Variants in MAST1 observed in about 807,000 individuals in gnomAD.
The protein encoded by MAST1 is microtubule-associated serine/threonine-protein kinase 1.
A neutral mutation model predicts 124.6 loss-of-function variants in MAST1; 40 were observed. That is an observed-to-expected ratio of 0.32 (90% CI 0.25 to 0.42). The LOEUF (loss-of-function observed/expected upper bound fraction) is 0.42. Ranked by LOEUF, MAST1 falls within the 10% of genes least tolerant of loss-of-function variation. The pLI is 1.00. For synonymous variants in MAST1, 938 were observed against 939.4 expected, an observed-to-expected ratio of 1.00 and a Z score of 0.03; for missense variants, 1,558 against 2,181.9, an observed-to-expected ratio of 0.71 and a Z score of 5.70.
chr19:12,860,067 T>C (rs1301810647), intron 12 of MAST1, among the ~76,000 whole-genome samples: 1 of 152,024 alleles, frequency 6.6e-6, no homozygotes, highest in African/African-American at 2.4e-5. Context: ...TCTTTGTGGT[T>C]GTCCATCTGT....
chr19:12,874,375 T>A lies in MAST1; in HGVS notation c.4218T>A (p.Ala1406=). Residue 1406 remains alanine, a synonymous_variant, in exon 26 of 26, where the codon GCT becomes GCA. Coordinates refer to ENST00000251472, the MANE Select transcript of MAST1 (RefSeq NM_014975.3). The surrounding 1 kb of genome is among the most constrained non-coding windows in gnomAD (Gnocchi z 6.6). ...ATGGCACTGGCGGGATGGCCAGGGCTGTGGCCAAGGCGGCGCTGAGCCCGG... is the reference window on the plus strand; with the variant it reads ...ATGGCACTGGCGGGATGGCCAGGGCAGTGGCCAAGGCGGCGCTGAGCCCGG... The part of the protein sequence containing the change: ...TEDGTGGMAR[A]VAKAALSPVQ... The A allele has an allele frequency of 6.3e-7, 1 of 1,598,112 alleles. No individual in the cohort carries two copies. The highest frequency in any genetic ancestry group is 8.5e-7 in the Non-Finnish European group (1 of 1,178,986).
chr19:12,858,757 G>A lies in MAST1; in HGVS notation c.1366+18G>A, dbSNP rs758044408. On this transcript the variant is annotated intron_variant, in intron 12 of 25. Coordinates refer to ENST00000251472, the MANE Select transcript of MAST1 (RefSeq NM_014975.3). ...TGTGGAAGGTGTGGCTGCCTGCGGG[G>A]CTGCAGGGAAGATGGGGCCGTGCTC... 6.2e-7 allele frequency: 1 copy of A among 1,613,590 alleles called. No homozygotes were observed. The highest frequency in any genetic ancestry group is 8.5e-7 in the Non-Finnish European group (1 of 1,179,748).
rs1400406511 is a variant in MAST1, at chr19:12,865,378, A to G, written c.1701A>G (p.Pro567=). 2 of 1,612,270 alleles carry G rather than the reference A, an allele frequency of 1.2e-6. No individual in the cohort carries two copies. The change falls in exon 15 of 26, where the codon CCA becomes CCG. Residue 567 remains proline, a synonymous_variant. Coordinates refer to ENST00000251472, the MANE Select transcript of MAST1 (RefSeq NM_014975.3). This position sits in a 1 kb window ranked among gnomAD's most constrained non-coding sequence, Gnocchi z 7.1. ...EVILRQGYGK[P]VDWWAMGIIL... The stretch of plus-strand genomic sequence containing the variant: ...TCCTGCGTCAAGGCTACGGCAAGCC[A>G]GTGGACTGGTGGGCTATGGGGATCA...
intron 12 of MAST1, among the ~76,000 whole-genome samples, chr19:12,859,270 G>C (rs951673640): frequency 1.3e-5 from 2 of 152,034 alleles, no homozygotes; most frequent in African/African-American, 4.8e-5. Context: ...AGCAGAGACA[G>C]GATTTCGCCA....
At chr19:12,863,822 G>A (rs4614850) in intron 12 of MAST1, among the ~76,000 whole-genome samples, 1 of 151,930 alleles carries the variant, frequency 6.6e-6, no homozygotes, top group East Asian at 1.9e-4. Flanking sequence ...GAGGGGCAGA[G>A]GCAGTGGCCA....
intron 25 of MAST1, 34 bp downstream of exon 25, chr19:12,873,545 AGCGCGG>A: frequency 1.3e-6 from 2 of 1,586,044 alleles, no homozygotes; most frequent in Non-Finnish European, 1.7e-6. Context: ...GGGACCGAGC[AGCGCGG>A]GGTGGCCTGG....
intron 24 of MAST1, among the ~76,000 whole-genome samples, 198 bp downstream of exon 24, chr19:12,871,370 A>G (rs1970231792): frequency 6.6e-6 from 1 of 152,190 alleles, no homozygotes; most frequent in East Asian, 1.9e-4. Flanking sequence ...GCACTTTGGG[A>G]GGCCGAGGCG....
chr19:12,865,250 G>T lies in MAST1; in HGVS notation c.1639-66G>T, dbSNP rs1970138146. On this transcript the variant is annotated intron_variant, in intron 14 of 25. Transcript: ENST00000251472. The surrounding 1 kb of genome is among the most constrained non-coding windows in gnomAD (Gnocchi z 7.1). Reference sequence around the variant, plus strand: ...GGACCTCGGGAACCCAGGGCCTGGTGGGGGGCACAGCTCTCCCTTGAGGGC... The same window carrying T: ...GGACCTCGGGAACCCAGGGCCTGGTTGGGGGCACAGCTCTCCCTTGAGGGC... 4.4e-6 allele frequency: 7 copies of T among 1,586,524 alleles called. No homozygotes were observed. The highest frequency in any genetic ancestry group is 6.0e-6 in the Non-Finnish European group (7 of 1,165,408).
Position 12,841,024 on chromosome 19 carries a change from C to G in MAST1, c.206C>G (p.Ser69Cys). Residue 69 changes from serine to cysteine, a missense_variant, in exon 3 of 26, where the codon TCC becomes TGC. By Grantham distance (112) the Ser-to-Cys change is moderately radical (BLOSUM62 -1). Around this residue, in one of 10 missense-constraint regions of MAST1, gnomAD observed 57 missense variants for 35.3 expected, o/e 1.62. Coordinates refer to ENST00000251472, the MANE Select transcript of MAST1 (RefSeq NM_014975.3). The surrounding 1 kb of genome is among the most constrained non-coding windows in gnomAD (Gnocchi z 4.3). ...CCCCTGGACAGCCCCCGAAACTTCT[C>G]CCCCAACACCCCCGCCCACTTCTCG... is the stretch of plus-strand genomic sequence containing the variant. ...SSPLDSPRNF[S>C]PNTPAHFSFA... The G allele has an allele frequency of 1.3e-6, 2 of 1,500,036 alleles. No homozygotes were observed. Among genetic ancestry groups the G allele is most frequent in the Non-Finnish European group, 1.9e-6 (2 of 1,075,444 alleles). The allele number at this position is 1,500,036 out of a possible 1,614,324, so 92.9% of individuals were successfully genotyped here.
Position 12,867,724 on chromosome 19 carries a change from A to C in MAST1, c.2319-6A>C. ...TGTCTTCCATAACCACGCCCCCTCCATGCAGCAAGCGATTCTCCGCGTCCG... is the reference window on the plus strand; with the variant it reads ...TGTCTTCCATAACCACGCCCCCTCCCTGCAGCAAGCGATTCTCCGCGTCCG... On this transcript the variant is annotated splice_region_variant and splice_polypyrimidine_tract_variant and intron_variant, in intron 19 of 25. Transcript: ENST00000251472. The C allele has an allele frequency of 6.5e-7, 1 of 1,531,616 alleles. No individual in the cohort carries two copies. Among genetic ancestry groups the C allele is most frequent in the Non-Finnish European group, 8.8e-7 (1 of 1,140,068 alleles). 94.9% of individuals were successfully genotyped at this position (1,531,616 alleles called of 1,614,324 possible).
chr19:12,868,079 G>A, intron 20 of MAST1, 102 bp downstream of exon 20: 3 of 1,142,564 alleles, frequency 2.6e-6, no homozygotes, highest in Non-Finnish European at 3.5e-6. Context: ...AAGATCTCAG[G>A]TCCTATTCAC....
intron 22 of MAST1, among the ~76,000 whole-genome samples, 179 bp downstream of exon 22, chr19:12,869,474 G>A (rs1970204282): frequency 6.6e-6 from 1 of 151,962 alleles, no homozygotes; most frequent in Non-Finnish European, 1.5e-5. Context: ...TCACTGTGTC[G>A]CCAGGCCGGA....
intron 10 of MAST1, 43 bp downstream of exon 10, chr19:12,852,438 A>C: frequency 1.5e-5 from 13 of 876,544 alleles, no homozygotes; most frequent in Non-Finnish European, 2.2e-5. Context: ...GGTTCCTGGG[A>C]GGGCAGGGTG....
chr19:12,867,756 G>C lies in MAST1; in HGVS notation c.2345G>C (p.Ser782Thr). 2 of 1,539,956 alleles carry C rather than the reference G, an allele frequency of 1.3e-6. No individual in the cohort carries two copies. Among genetic ancestry groups the C allele is most frequent in the African/African-American group, 2.8e-5 (2 of 71,914 alleles). Residue 782 changes from serine to threonine, a missense_variant, in exon 20 of 26, where the codon AGT becomes ACT. Coordinates refer to ENST00000251472, the MANE Select transcript of MAST1 (RefSeq NM_014975.3). ...EIKRFSASEASFLEGEASPPL... is the reference protein window; with the variant it reads ...EIKRFSASEATFLEGEASPPL... ...AAGCGATTCTCCGCGTCCGAGGCCAGTTTCCTGGAGGGAGAGGCCAGTCCC... is the reference window on the plus strand; with the variant it reads ...AAGCGATTCTCCGCGTCCGAGGCCACTTTCCTGGAGGGAGAGGCCAGTCCC...
intron 1 of MAST1, 26 bp from the exon 2 acceptor site, chr19:12,840,420 G>A (rs1168687581): frequency 1.9e-6 from 3 of 1,540,190 alleles, no homozygotes; most frequent in Non-Finnish European, 1.8e-6. Flanking sequence ...GCCCGGCCCG[G>A]CCCCCCTGCC....
chr19:12,848,285 A>C, intron 7 of MAST1: 2 of 535,454 alleles, frequency 3.7e-6, no homozygotes, highest in Non-Finnish European at 3.3e-6. Flanking sequence ...CTCAAATGTC[A>C]CCTTTTCAGG....
Position 12,865,608 on chromosome 19 carries a change from AGT to A in MAST1, c.1805-107_1805-106del. On this transcript the variant is annotated intron_variant, in intron 15 of 25. Transcript: ENST00000251472. This position sits in a 1 kb window ranked among gnomAD's most constrained non-coding sequence, Gnocchi z 7.1. Reference sequence around the variant, plus strand: ...CTTGCACTCAGGAGGTCAAGGCTGCAGTGAGCCATGATCGTGCCACTGCACTC... The same window carrying A: ...CTTGCACTCAGGAGGTCAAGGCTGCAGAGCCATGATCGTGCCACTGCACTC... The A allele has an allele frequency of 1.4e-6, 2 of 1,446,748 alleles. No individual in the cohort carries two copies. Among genetic ancestry groups the A allele is most frequent in the Non-Finnish European group, 1.9e-6 (2 of 1,056,266 alleles). The allele number at this position is 1,446,748 out of a possible 1,614,324, so 89.6% of individuals were successfully genotyped here.
rs761665427 is a variant in MAST1 at position 12,874,586 on chromosome 19, C to G, written c.4429C>G (p.Arg1477Gly). ...TTCCGTGCCCGAGGCCCCCCGGGGCCGGGAGCGCTGGGTGTTGGAGGTGGT... is the reference window on the plus strand; with the variant it reads ...TTCCGTGCCCGAGGCCCCCCGGGGCGGGGAGCGCTGGGTGTTGGAGGTGGT... ...APSVPEAPRG[R>G]ERWVLEVVEE... Residue 1477 changes from arginine (R) to glycine (G), a missense_variant, in exon 26 of 26, where the codon CGG becomes GGG. Arg to Gly is a moderately radical substitution (Grantham distance 125, BLOSUM62 -2). This residue lies in a region of MAST1 where 168 missense variants were observed against 154.3 expected (regional missense o/e 1.09). Coordinates refer to ENST00000251472, the MANE Select transcript of MAST1 (RefSeq NM_014975.3). This position sits in a 1 kb window ranked among gnomAD's most constrained non-coding sequence, Gnocchi z 6.6. The G allele has an allele frequency of 2.0e-6, 3 of 1,508,058 alleles. No homozygotes were observed. The highest frequency in any genetic ancestry group is 2.7e-6 in the Non-Finnish European group (3 of 1,130,068). The allele number at this position is 1,508,058 out of a possible 1,614,324, so 93.4% of individuals were successfully genotyped here. A position where few individuals can be genotyped will look rare whatever the true frequency, so the allele number is the denominator to read the frequency against.
Position 12,858,447 on chromosome 19 carries a change from C to T in MAST1, c.1157+6C>T, listed in dbSNP as rs2145901107. ...ATAAGCAACGGTGCCTACGGGTGAG[C>T]CACCCGGGGCTCTGGCGGGGGGAGG... On this transcript the variant is annotated splice_donor_region_variant and intron_variant, in intron 11 of 25. Coordinates refer to ENST00000251472, the MANE Select transcript of MAST1 (RefSeq NM_014975.3). 2 of 1,613,236 alleles carry T rather than the reference C, an allele frequency of 1.2e-6. No individual in the cohort carries two copies. The highest frequency in any genetic ancestry group is 1.7e-6 in the Non-Finnish European group (2 of 1,179,374).
Sources: gnomAD v4.1 joint callset for allele counts (sites outside exome capture counted in the v4.1 genomes callset) on GRCh38, gnomAD v4.1.1 for gene constraint, gnomAD v4.1.1 regional missense constraint, Gnocchi (gnomAD v3.1) non-coding constraint, MANE v1.5 for transcripts, NCBI Gene and HGNC (gene_info 2026-07-23, HGNC 2026-07-21) for gene names.